ZBTB16: variants seen among roughly 807,000 people sequenced by gnomAD.
ZBTB16 encodes the protein zinc finger and BTB domain-containing protein 16.
Under a neutral mutation model 56.8 loss-of-function variants are expected in ZBTB16, and 8 were observed. The ratio of observed to expected loss-of-function variants is 0.14; its 90% CI spans 0.08 to 0.25. The LOEUF (loss-of-function observed/expected upper bound fraction) is 0.25, where lower values mean the gene tolerates loss of function less well. Among genes scored for constraint, ZBTB16 ranks in the 10% least tolerant of loss-of-function variants. The probability of loss-of-function intolerance (pLI) is 1.00; values close to 1 mark genes in which losing one functional copy is unlikely to be tolerated. For synonymous variants in ZBTB16, 363 were observed against 368.5 expected (o/e 0.98, Z 0.17); for missense variants, 625 against 903.0 (o/e 0.69, Z 3.95).
chr11:114,098,578 G>A (rs1283285827), intron 2 of ZBTB16, among the ~76,000 whole-genome samples: 1 of 149,922 alleles, frequency 6.7e-6, no homozygotes, highest in East Asian at 1.9e-4. Context: ...ACATTCTCAC[G>A]AGTCTTGCAA....
At chr11:114,144,312 T>G (rs1307593705) in intron 2 of ZBTB16, among the ~76,000 whole-genome samples, 1 of 152,174 alleles carries the variant, frequency 6.6e-6, no homozygotes, top group Non-Finnish European at 1.5e-5. Flanking sequence ...CAAAGCTCCC[T>G]GTTGGGAAAA....
rs1431229073 is a variant in ZBTB16 at position 114,064,524 on chromosome 11, G to A, written c.1224G>A (p.Val408=). 1.9e-6 allele frequency: 3 copies of A among 1,613,974 alleles called. No individual in the cohort carries two copies. The highest frequency in any genetic ancestry group is 2.2e-5 in the East Asian group (1 of 44,886). Residue 408 remains valine (V), a synonymous_variant, in exon 2 of 7, where the codon GTG becomes GTA. Transcript: ENST00000335953. The surrounding 1 kb of genome is among the most constrained non-coding windows in gnomAD (Gnocchi z 4.2). ...ESRTIGEQCS[V]CGVELPDNEA... is the part of the protein sequence containing the mutation. ...GGACCATCGGAGAGCAGTGCAGCGTGTGTGGGGTCGAGCTTCCTGATAACG... is the reference window on the plus strand; with the variant it reads ...GGACCATCGGAGAGCAGTGCAGCGTATGTGGGGTCGAGCTTCCTGATAACG...
At chr11:114,107,603 C>T (rs1940842651) in intron 2 of ZBTB16, among the ~76,000 whole-genome samples, 1 of 152,186 alleles carries the variant, frequency 6.6e-6, no homozygotes, top group Admixed American at 6.5e-5. Context: ...TATTGTGTAG[C>T]TGTGAGAAGC....
chr11:114,107,359 C>T (rs921937573), intron 2 of ZBTB16, among the ~76,000 whole-genome samples: 3 of 152,182 alleles, frequency 2.0e-5, no homozygotes, highest in Non-Finnish European at 4.4e-5. Context: ...GCATTTAGAT[C>T]TAACTTCACT....
chr11:114,133,226 G>A (rs1941712848), intron 2 of ZBTB16, among the ~76,000 whole-genome samples: 1 of 152,064 alleles, frequency 6.6e-6, no homozygotes, highest in Non-Finnish European at 1.5e-5. Context: ...TTTACAAAAT[G>A]TGGGGGGTGC....
intron 2 of ZBTB16, among the ~76,000 whole-genome samples, chr11:114,070,179 G>T (rs2137670116): frequency 7.1e-6 from 1 of 140,048 alleles, no homozygotes; most frequent in South Asian, 2.2e-4. Context: ...CGCAATCTCG[G>T]CTCACTGCAA....
chr11:114,234,995 T>A (rs1944533983), intron 4 of ZBTB16, among the ~76,000 whole-genome samples: 1 of 145,928 alleles, frequency 6.9e-6, no homozygotes, highest in African/African-American at 2.5e-5. Context: ...GAAAGAGTAA[T>A]CCCCCAGGAT....
chr11:114,211,890 G>C (rs574351499), intron 4 of ZBTB16, among the ~76,000 whole-genome samples: 54 of 152,320 alleles, frequency 3.5e-4, no homozygotes, highest in African/African-American at 1.3e-3. Context: ...GGAATGCTGA[G>C]GGGGGCCTCT....
intron 4 of ZBTB16, among the ~76,000 whole-genome samples, chr11:114,231,555 C>T (rs1944442310): frequency 6.6e-6 from 1 of 152,190 alleles, no homozygotes; most frequent in Non-Finnish European, 1.5e-5. Context: ...TAGAGGTTCT[C>T]TCAAGTCCTG....
At chr11:114,132,131 A>G (rs1192146058) in intron 2 of ZBTB16, among the ~76,000 whole-genome samples, 1 of 152,126 alleles carries the variant, frequency 6.6e-6, no homozygotes, top group Non-Finnish European at 1.5e-5. Flanking sequence ...GTCACACATC[A>G]TTTTGTTAAC....
chr11:114,210,204 C>G (rs374643572), intron 4 of ZBTB16, among the ~76,000 whole-genome samples: 2 of 142,216 alleles, frequency 1.4e-5, no homozygotes, highest in Non-Finnish European at 3.2e-5. Context: ...CGTGCGCGCG[C>G]GTGCACAGTT....
chr11:114,092,637 C>T (rs1016915367), intron 2 of ZBTB16, among the ~76,000 whole-genome samples: 5 of 152,090 alleles, frequency 3.3e-5, no homozygotes, highest in Admixed American at 1.3e-4. Flanking sequence ...TCTTCTTCTC[C>T]CTGTATTATC....
Position 114,221,444 on chromosome 11 carries a change from T to C in ZBTB16, c.1454-20723T>C, listed in dbSNP as rs191978893. ...AAATAAGTTGCCCTGTCTTAAAGTT[T>C]AAAATTAAGTGCATATTAAGCAAAT... is the stretch of plus-strand genomic sequence containing the variant. On this transcript the variant is annotated intron_variant, in intron 4 of 6. Transcript: ENST00000335953. 4.6e-4 allele frequency among the ~76,000 whole-genome samples: 70 copies of C among 152,316 alleles called. 1 individual carries two copies. Among genetic ancestry groups the C allele is most frequent in the African/African-American group, 1.5e-3 (64 of 41,554 alleles).
chr11:114,227,425 T>G (rs530150343), intron 4 of ZBTB16, among the ~76,000 whole-genome samples: 12 of 152,116 alleles, frequency 7.9e-5, no homozygotes, highest in African/African-American at 2.7e-4. Context: ...TACAGAAGAG[T>G]TGAAGTCCAG....
At chr11:114,072,840 CAGG>C (rs1939397623) in intron 2 of ZBTB16, among the ~76,000 whole-genome samples, 1 of 151,990 alleles carries the variant, frequency 6.6e-6, no homozygotes, top group Admixed American at 6.6e-5. Context: ...ATCACGAGGT[CAGG>C]AGATCGAGAC....
At chr11:114,092,325 A>G (rs1444637638) in intron 2 of ZBTB16, among the ~76,000 whole-genome samples, 2 of 152,186 alleles carry the variant, frequency 1.3e-5, no homozygotes, top group East Asian at 3.9e-4. Flanking sequence ...AGCCGCCTCT[A>G]GGATTGTGAG....
Position 114,252,220 on chromosome 11 carries a change from T to G in ZBTB16, c.*1665T>G, listed in dbSNP as rs1309852535. On this transcript the variant is annotated 3_prime_UTR_variant, in exon 7 of 7. Transcript: ENST00000335953. The stretch of plus-strand genomic sequence containing the variant: ...TGAAGTCACCTGTGGCCACCATCCG[T>G]TCCGCCTAAAACACTCTGGAGAGAA... Among the ~76,000 whole-genome samples the G allele has an allele frequency of 5.9e-5, 9 of 152,066 alleles. No homozygotes were observed. Among genetic ancestry groups the G allele is most frequent in the African/African-American group, 2.2e-4 (9 of 41,410 alleles).
intron 2 of ZBTB16, among the ~76,000 whole-genome samples, chr11:114,118,277 A>G (rs931057273): frequency 2.0e-5 from 3 of 152,146 alleles, no homozygotes; most frequent in Non-Finnish European, 4.4e-5. Flanking sequence ...CCTGGGTTCA[A>G]GTTATTCTCC....
rs1491108738 is a variant in ZBTB16, at chr11:114,148,447, CTG to C, written c.1269-7888_1269-7887del. Among the ~76,000 whole-genome samples the C allele has an allele frequency of 5.5e-3, 344 of 62,648 alleles. 30 individuals are homozygous for C. The highest frequency in any genetic ancestry group is 0.01 in the African/African-American group (209 of 19,916). 41.1% of individuals were successfully genotyped at this position (62,648 alleles called of 152,430 possible). A position where few individuals can be genotyped will look rare whatever the true frequency, so the allele number is the denominator to read the frequency against. ...TCCCTCTCTCTCTCTTTCTCTCTCTCTGTCTGTCTGTCTCTCTCTCTCTCTTT... is the reference window on the plus strand; with the variant it reads ...TCCCTCTCTCTCTCTTTCTCTCTCTCTCTGTCTGTCTCTCTCTCTCTCTTT... On this transcript the variant is annotated intron_variant, in intron 2 of 6. Coordinates refer to ENST00000335953, the MANE Select transcript of ZBTB16 (RefSeq NM_006006.6).
Sources: allele counts gnomAD v4.1 joint callset (sites outside exome capture counted in the v4.1 genomes callset), GRCh38; gene constraint gnomAD v4.1.1; non-coding constraint Gnocchi (gnomAD v3.1); transcripts MANE v1.5; gene names NCBI Gene and HGNC (gene_info 2026-07-23, HGNC 2026-07-21).